The following RBFOX3 variants were observed in gnomAD, a reference collection of about 807,000 sequenced individuals.
RBFOX3 encodes the protein RNA binding fox-1 homolog 3, also known as RNA binding protein fox-1 homolog 3.
In RBFOX3, 17 loss-of-function variants were observed where a neutral mutation model predicts 48.7. That is an observed-to-expected ratio of 0.35 (90% CI 0.24 to 0.52). The LOEUF (loss-of-function observed/expected upper bound fraction) is 0.52, where lower values mean the gene tolerates loss of function less well. Among genes scored for constraint, RBFOX3 ranks in the 20% least tolerant of loss-of-function variants. RBFOX3 has a pLI of 0.94. For missense variants in RBFOX3, 382 were observed against 497.5 expected (o/e 0.77, Z 2.21); for synonymous variants, 212 against 209.5 (o/e 1.01, Z -0.10).
chr17:79,115,746 G>A lies in RBFOX3; in HGVS notation c.-31C>T, dbSNP rs889625670. On this transcript the variant is annotated splice_region_variant and 5_prime_UTR_variant, in exon 5 of 15. Coordinates refer to ENST00000693108, the MANE Select transcript of RBFOX3 (RefSeq NM_001350451.2). ...CAGGCGGAGCCGTGGCGTCCTGATCGCTCTGTGGAAGGAGAGAGAGCAAGG... is the reference window on the plus strand; with the variant it reads ...CAGGCGGAGCCGTGGCGTCCTGATCACTCTGTGGAAGGAGAGAGAGCAAGG... 1.1e-5 allele frequency: 8 copies of A among 710,528 alleles called. No homozygotes were observed. The highest frequency in any genetic ancestry group is 8.6e-5 in the Admixed American group (4 of 46,348). 44.0% of individuals were successfully genotyped at this position (710,528 alleles called of 1,614,324 possible). A position where few individuals can be genotyped will look rare whatever the true frequency, so the allele number is the denominator to read the frequency against.
chr17:79,423,378 C>T lies in RBFOX3; in HGVS notation c.-175+59076G>A, dbSNP rs1568224711. ...CAGATCCTGCCGCACAGACCCCAAC[C>T]CTACCTCCAGTGTGGTCCGGCGCCA... On this transcript the variant is annotated intron_variant, in intron 2 of 14. Transcript: ENST00000693108. The surrounding 1 kb of genome is among the most constrained non-coding windows in gnomAD (Gnocchi z 4.9). Among the ~76,000 whole-genome samples, 1 of 152,162 alleles carries T rather than the reference C, an allele frequency of 6.6e-6. No homozygotes were observed. Among genetic ancestry groups the T allele is most frequent in the Admixed American group, 6.5e-5 (1 of 15,286 alleles).
chr17:79,214,004 G>T lies in RBFOX3; in HGVS notation c.-34+21762C>A, dbSNP rs896210434. ...CTAAACACTCAGCGGATCAGACTTG[G>T]TTCCGTTTCCGAAGGTGGTGCCAGC... On this transcript the variant is annotated intron_variant, in intron 4 of 14. Coordinates refer to ENST00000693108, the MANE Select transcript of RBFOX3 (RefSeq NM_001350451.2). The surrounding 1 kb of genome is among the most constrained non-coding windows in gnomAD (Gnocchi z 4.7). Among the ~76,000 whole-genome samples the T allele has an allele frequency of 6.6e-6, 1 of 152,222 alleles. No individual in the cohort carries two copies. Among genetic ancestry groups the T allele is most frequent in the Non-Finnish European group, 1.5e-5 (1 of 68,038 alleles).
chr17:79,465,527 G>T (rs2076194060), intron 2 of RBFOX3, among the ~76,000 whole-genome samples: 1 of 151,196 alleles, frequency 6.6e-6, no homozygotes, highest in Non-Finnish European at 1.5e-5. Flanking sequence ...AATGCTAATT[G>T]CCATCAATCA....
At chr17:79,115,903 A>G (rs1360896604) in intron 4 of RBFOX3, among the ~76,000 whole-genome samples, 155 bp from the exon 5 acceptor site, 1 of 152,052 alleles carries the variant, frequency 6.6e-6, no homozygotes, top group Admixed American at 6.5e-5. Flanking sequence ...CATGGGCACC[A>G]GCTCAGAGCA....
chr17:79,486,774 G>C (rs552345963), intron 1 of RBFOX3, among the ~76,000 whole-genome samples: 1,815 of 152,274 alleles, frequency 0.012, 25 homozygotes, highest in Non-Finnish European at 0.016. Context: ...GGGCTTGGAG[G>C]GGGGCCTCAG....
At chr17:79,389,450 C>T in intron 2 of RBFOX3, among the ~76,000 whole-genome samples, 1 of 152,120 alleles carries the variant, frequency 6.6e-6, no homozygotes, top group East Asian at 1.9e-4. Flanking sequence ...TACAAGCCAG[C>T]TGACAGCAGC....
At chr17:79,208,008 A>T (rs1239787698) in intron 4 of RBFOX3, among the ~76,000 whole-genome samples, 1 of 152,090 alleles carries the variant, frequency 6.6e-6, no homozygotes, top group African/African-American at 2.4e-5. Flanking sequence ...GGCTGGGTGA[A>T]AGGTGGCCCT....
chr17:79,295,584 T>C (rs1470059694), intron 3 of RBFOX3, among the ~76,000 whole-genome samples: 8 of 152,196 alleles, frequency 5.3e-5, no homozygotes, highest in African/African-American at 7.2e-5. Flanking sequence ...AGTCAGGTGC[T>C]GATGGAAAGA....
At chr17:79,136,776 C>T (rs1440358723) in intron 4 of RBFOX3, among the ~76,000 whole-genome samples, 1 of 152,214 alleles carries the variant, frequency 6.6e-6, no homozygotes, top group East Asian at 1.9e-4. Context: ...AGTGCCAGGC[C>T]AGCTCTCATC....
intron 4 of RBFOX3, among the ~76,000 whole-genome samples, chr17:79,130,362 G>A (rs1027149665): frequency 3.3e-5 from 5 of 152,158 alleles, no homozygotes; most frequent in Admixed American, 6.5e-5. Flanking sequence ...GCCACACTGT[G>A]GGTGAGCAGG....
chr17:79,277,448 G>A (rs2069167803), intron 3 of RBFOX3, among the ~76,000 whole-genome samples: 1 of 152,220 alleles, frequency 6.6e-6, no homozygotes, highest in Non-Finnish European at 1.5e-5. Context: ...TAATTGTGCT[G>A]GTGGGATCCA....
chr17:79,461,633 C>A (rs543933674), intron 2 of RBFOX3, among the ~76,000 whole-genome samples: 1 of 152,224 alleles, frequency 6.6e-6, no homozygotes, highest in Non-Finnish European at 1.5e-5. Context: ...GAACAGTGGA[C>A]GCCCAGAACT....
chr17:79,466,810 G>A (rs950621862), intron 2 of RBFOX3, among the ~76,000 whole-genome samples: 1 of 152,084 alleles, frequency 6.6e-6, no homozygotes, highest in Non-Finnish European at 1.5e-5. Flanking sequence ...TTTCCATGGG[G>A]AGCCACAGAG....
Position 79,240,436 on chromosome 17 carries a change from G to A in RBFOX3, c.-73-4631C>T, listed in dbSNP as rs576212320. 1.4e-4 allele frequency among the ~76,000 whole-genome samples: 22 copies of A among 152,302 alleles called. No homozygotes were observed. The South Asian group carries it at 2.1e-3, about 14-fold the overall frequency. ...AGGTCTAGAAAGGCACAGAGCAAGCGGAACGTGGATTTCTGCATGGATGTG... is the reference window on the plus strand; with the variant it reads ...AGGTCTAGAAAGGCACAGAGCAAGCAGAACGTGGATTTCTGCATGGATGTG... On this transcript the variant is annotated intron_variant, in intron 3 of 14. Transcript: ENST00000693108.
intron 1 of RBFOX3, among the ~76,000 whole-genome samples, chr17:79,596,840 T>C (rs1427315687): frequency 2.6e-5 from 4 of 152,202 alleles, no homozygotes; most frequent in Admixed American, 6.5e-5. Flanking sequence ...TTGTGGATGC[T>C]TCTCATGTCC....
chr17:79,432,316 G>A (rs1166798766), intron 2 of RBFOX3, among the ~76,000 whole-genome samples: 2 of 152,252 alleles, frequency 1.3e-5, no homozygotes, highest in East Asian at 3.8e-4. Context: ...ATACCCAGAA[G>A]TGGGGTTGCT....
At chr17:79,197,412 A>T (rs2055856501) in intron 4 of RBFOX3, among the ~76,000 whole-genome samples, 1 of 135,390 alleles carries the variant, frequency 7.4e-6, no homozygotes, top group Non-Finnish European at 1.6e-5. Context: ...TTTTTGAGAC[A>T]GAGTCTCACT....
rs113347271 is a variant in RBFOX3 at position 79,151,896 on chromosome 17, G to C, written c.-33-36148C>G. On this transcript the variant is annotated intron_variant, in intron 4 of 14. Transcript: ENST00000693108. ...GAGGGGAGGCGATGGGAGGGGACCT[G>C]CAGGGGGAGGAGGGGAGGCGAGGAT... 6.4e-5 allele frequency among the ~76,000 whole-genome samples: 5 copies of C among 78,554 alleles called. 1 individual carries two copies. The East Asian group carries it at 1.4e-3, about 22-fold the overall frequency. 51.5% of individuals were successfully genotyped at this position (78,554 alleles called of 152,430 possible).
At position 79,580,643 on chromosome 17, in the gene RBFOX3, T is replaced by G. The variant is rs919537119; in HGVS notation, c.-320+30183A>C. Among the ~76,000 whole-genome samples, 1,123 of 152,020 alleles carry G rather than the reference T, an allele frequency of 7.4e-3. 11 individuals are homozygous for G. Among genetic ancestry groups the G allele is most frequent in the African/African-American group, 0.026 (1,070 of 41,458 alleles). ...GTCGCAGACACTCTTTAGAGCAAAGTTTTTTTTGCTCATGCTATGTTCCTA... is the reference window on the plus strand; with the variant it reads ...GTCGCAGACACTCTTTAGAGCAAAGGTTTTTTTGCTCATGCTATGTTCCTA... On this transcript the variant is annotated intron_variant, in intron 1 of 14. Coordinates refer to ENST00000693108, the MANE Select transcript of RBFOX3 (RefSeq NM_001350451.2).
Sources: gnomAD v4.1 joint callset for allele counts (sites outside exome capture counted in the v4.1 genomes callset) on GRCh38, gnomAD v4.1.1 for gene constraint, Gnocchi (gnomAD v3.1) non-coding constraint, MANE v1.5 for transcripts, NCBI Gene and HGNC (gene_info 2026-07-23, HGNC 2026-07-21) for gene names.